FRAS1: variants seen among roughly 807,000 people sequenced by gnomAD.
The protein encoded by FRAS1 is extracellular matrix organizing protein FRAS1.
A neutral mutation model predicts 435.2 loss-of-function variants in FRAS1; 290 were observed. The ratio of observed to expected loss-of-function variants is 0.67; its 90% CI spans 0.61 to 0.73. FRAS1 has a LOEUF of 0.73. FRAS1 is among the 30% of genes least tolerant of loss of function. The pLI is 0.00. For synonymous variants in FRAS1, 1,800 were observed against 1,851.0 expected, an observed-to-expected ratio of 0.97 and a Z score of 0.71; for missense variants, 4,860 against 5,001.5, an observed-to-expected ratio of 0.97 and a Z score of 0.85.
intron 2 of FRAS1, among the ~76,000 whole-genome samples, chr4:78,152,977 C>T (rs1283168931): frequency 2.0e-5 from 3 of 152,100 alleles, no homozygotes; most frequent in Non-Finnish European, 4.4e-5. Context: ...CTATCCTCAG[C>T]GACCTGGCCT....
rs1260878036 is a variant in FRAS1 at position 78,164,381 on chromosome 4, A to G, written c.109-73129A>G. ...ATCAGTACAGATTAAGGAATATAAT[A>G]TAAGGAATGGAAACCACATTTATGA... On this transcript the variant is annotated intron_variant, in intron 2 of 73. Coordinates refer to ENST00000512123, the MANE Select transcript of FRAS1 (RefSeq NM_025074.7). Among the ~76,000 whole-genome samples, 9 of 152,162 alleles carry G rather than the reference A, an allele frequency of 5.9e-5. No individual in the cohort carries two copies. In the East Asian group the frequency reaches 1.7e-3, roughly 29 times the overall value.
chr4:78,212,776 G>A (rs751323708), intron 2 of FRAS1, among the ~76,000 whole-genome samples: 12 of 152,186 alleles, frequency 7.9e-5, no homozygotes, highest in Non-Finnish European at 1.8e-4. Flanking sequence ...AGTGGCTTAT[G>A]TGCTAAGGTT....
At chr4:78,409,102 G>A (rs1415881708) in intron 31 of FRAS1, among the ~76,000 whole-genome samples, 2 of 137,838 alleles carry the variant, frequency 1.5e-5, no homozygotes, top group Non-Finnish European at 1.5e-5. Flanking sequence ...CTGGATGACA[G>A]AGCGAGACCC....
intron 14 of FRAS1, among the ~76,000 whole-genome samples, chr4:78,302,777 G>T: frequency 6.6e-6 from 1 of 152,046 alleles, no homozygotes; most frequent in Non-Finnish European, 1.5e-5. Flanking sequence ...AGATGAGTAG[G>T]CTGCGAAAAT....
chr4:78,324,565 ACTC>A (rs1315773453), intron 18 of FRAS1, among the ~76,000 whole-genome samples: 1 of 152,078 alleles, frequency 6.6e-6, no homozygotes, highest in Admixed American at 6.6e-5. Flanking sequence ...GCATATATCT[ACTC>A]CTACTTTATA....
At chr4:78,122,604 G>A (rs896882547) in intron 2 of FRAS1, among the ~76,000 whole-genome samples, 7 of 152,066 alleles carry the variant, frequency 4.6e-5, no homozygotes, top group South Asian at 2.1e-4. Context: ...GAGTGTAAAA[G>A]CATTTCTATT....
chr4:78,400,909 G>A (rs780041875), intron 30 of FRAS1, 22 bp downstream of exon 30: 59 of 1,611,620 alleles, frequency 3.7e-5, no homozygotes, highest in Middle Eastern at 1.6e-4. Flanking sequence ...TTCCTTTGGC[G>A]TGGTTTCATC....
chr4:78,109,324 G>C (rs1350251675), intron 2 of FRAS1, among the ~76,000 whole-genome samples: 1 of 107,688 alleles, frequency 9.3e-6, no homozygotes, highest in Non-Finnish European at 1.8e-5. Context: ...CAATATCCTT[G>C]ATGAACATTG....
chr4:78,126,949 A>G (rs10028988), intron 2 of FRAS1, among the ~76,000 whole-genome samples: 25,430 of 152,040 alleles, frequency 0.17, 2,270 homozygotes, highest in Admixed American at 0.2. Flanking sequence ...AATAAGCCCC[A>G]ACCATTTATT....
intron 2 of FRAS1, among the ~76,000 whole-genome samples, chr4:78,123,467 T>C (rs1006098200): frequency 1.2e-4 from 19 of 152,218 alleles, no homozygotes; most frequent in African/African-American, 4.6e-4. Context: ...CAGGCTCTTT[T>C]TTGGTTCCAT....
At position 78,496,886 on chromosome 4, in the gene FRAS1, C is replaced by T; in HGVS notation, c.9040C>T (p.Leu3014Phe). Reference protein sequence around the residue: ...EQFRVYLGLPLGNHWSGARIG... With the variant: ...EQFRVYLGLPFGNHWSGARIG... Reference sequence around the variant, plus strand: ...GTTCAGGGTCTACCTCGGCCTTCCTCTTGGAAACCACTGGAGTGGAGCTAG... The same window carrying T: ...GTTCAGGGTCTACCTCGGCCTTCCTTTTGGAAACCACTGGAGTGGAGCTAG... Residue 3014 changes from leucine (L) to phenylalanine (F), a missense_variant, in exon 60 of 74, where the codon CTT becomes TTT. By Grantham distance (22) the Leu-to-Phe change is conservative (BLOSUM62 0). Coordinates refer to ENST00000512123, the MANE Select transcript of FRAS1 (RefSeq NM_025074.7). The T allele has an allele frequency of 6.2e-7, 1 of 1,613,744 alleles. No homozygotes were observed. The highest frequency in any genetic ancestry group is 8.5e-7 in the Non-Finnish European group (1 of 1,179,716).
chr4:78,361,146 C>A (rs1037372858), intron 20 of FRAS1, among the ~76,000 whole-genome samples: 3 of 152,242 alleles, frequency 2.0e-5, no homozygotes, highest in Admixed American at 1.3e-4. Flanking sequence ...AAAACACTAT[C>A]ACCTTCATTT....
intron 38 of FRAS1, 109 bp downstream of exon 38, chr4:78,432,713 C>A: frequency 7.9e-7 from 1 of 1,271,848 alleles, no homozygotes; most frequent in Non-Finnish European, 1.1e-6. Flanking sequence ...TATATGGTCA[C>A]GTAAAGAACA....
At chr4:78,098,470 T>C (rs1741935678) in intron 2 of FRAS1, among the ~76,000 whole-genome samples, 1 of 152,032 alleles carries the variant, frequency 6.6e-6, no homozygotes, top group Admixed American at 6.6e-5. Flanking sequence ...AGACGGGGTT[T>C]CACCATGTTG....
intron 3 of FRAS1, among the ~76,000 whole-genome samples, chr4:78,242,192 T>G (rs1174782533): frequency 6.6e-6 from 1 of 152,204 alleles, no homozygotes; most frequent in Non-Finnish European, 1.5e-5. Context: ...TCAGACTTCC[T>G]CAGTCTGTAA....
intron 2 of FRAS1, among the ~76,000 whole-genome samples, chr4:78,225,792 A>T (rs1724244356): frequency 6.6e-6 from 1 of 152,242 alleles, no homozygotes; most frequent in Non-Finnish European, 1.5e-5. Context: ...TCTTTAAGAC[A>T]TTCAGTTCAT....
Position 78,282,458 on chromosome 4 carries a change from A to T in FRAS1, c.1108-362A>T, listed in dbSNP as rs544499062. Among the ~76,000 whole-genome samples the T allele has an allele frequency of 2.0e-5, 3 of 152,332 alleles. No individual in the cohort carries two copies. The South Asian group carries it at 6.2e-4, about 32-fold the overall frequency. On this transcript the variant is annotated intron_variant, in intron 11 of 73. Coordinates refer to ENST00000512123, the MANE Select transcript of FRAS1 (RefSeq NM_025074.7). ...ATTGTATTTAACTCACCTGCTAATC[A>T]CCAGCTACACAGTAATCTCCTTTGA...
intron 27 of FRAS1, among the ~76,000 whole-genome samples, chr4:78,381,391 C>T (rs1236971630): frequency 6.6e-6 from 1 of 152,180 alleles, no homozygotes; most frequent in Non-Finnish European, 1.5e-5. Flanking sequence ...GCAACCTCTG[C>T]CTCTTGGGTT....
chr4:78,517,915 T>C (rs11730601), intron 66 of FRAS1, among the ~76,000 whole-genome samples: 21,182 of 152,034 alleles, frequency 0.14, 1,775 homozygotes, highest in Non-Finnish European at 0.2. Context: ...GGACAGAACA[T>C]GGTACAAGGT....
Sources: allele counts gnomAD v4.1 joint callset (sites outside exome capture counted in the v4.1 genomes callset), GRCh38; gene constraint gnomAD v4.1.1; transcripts MANE v1.5; gene names NCBI Gene and HGNC (gene_info 2026-07-23, HGNC 2026-07-21).